The following ENKUR variants were observed in gnomAD, a reference collection of about 807,000 sequenced individuals.
ENKUR encodes enkurin.
In ENKUR, 19 loss-of-function variants were observed where a neutral mutation model predicts 27.6. The observed-to-expected ratio is 0.69, with a 90% CI of 0.48 to 1.01. The LOEUF (loss-of-function observed/expected upper bound fraction) is 1.01, where lower values mean the gene tolerates loss of function less well. Ranked by LOEUF, ENKUR falls within the 50% of genes least tolerant of loss-of-function variation. The pLI, the probability that ENKUR is intolerant of heterozygous loss-of-function variation, is 0.00. For synonymous variants in ENKUR, 117 were observed against 96.9 expected (o/e 1.21, Z -1.22); for missense variants, 312 against 310.5 (o/e 1.00, Z -0.04).
chr10:24,992,595 G>A (rs1849949962), intron 3 of ENKUR, among the ~76,000 whole-genome samples: 1 of 152,164 alleles, frequency 6.6e-6, no homozygotes, highest in Non-Finnish European at 1.5e-5. Flanking sequence ...CTGGTCTAGT[G>A]ACAAGCAATG....
chr10:25,028,263 G>A (rs982641814), intron 2 of ENKUR, among the ~76,000 whole-genome samples: 2 of 152,116 alleles, frequency 1.3e-5, no homozygotes, highest in Admixed American at 1.3e-4. Context: ...ACCAACTCTG[G>A]CCCTTCACTC....
intron 1 of ENKUR, among the ~76,000 whole-genome samples, chr10:25,006,054 GTGAT>G (rs1376919974): frequency 1.3e-5 from 2 of 152,088 alleles, no homozygotes; most frequent in African/African-American, 4.8e-5. Context: ...CTTTTTAAAA[GTGAT>G]TAGAAAAATT....
intron 1 of ENKUR, among the ~76,000 whole-genome samples, chr10:25,003,011 C>A (rs902973116): frequency 4.6e-5 from 7 of 151,710 alleles, no homozygotes; most frequent in Non-Finnish European, 1.0e-4. Flanking sequence ...GAACTGAAAG[C>A]CTGTCCATCT....
At chr10:25,061,113 T>C in exon 2 of ENKUR, 1 of 1,536,090 alleles carries the variant, frequency 6.5e-7, no homozygotes, top group Non-Finnish European at 8.7e-7. Context: ...CAGTATTACC[T>C]GGGGAGCCAC....
intron 1 of ENKUR, among the ~76,000 whole-genome samples, chr10:25,001,182 A>T (rs1850181632): frequency 6.6e-6 from 1 of 152,022 alleles, no homozygotes; most frequent in Non-Finnish European, 1.5e-5. Context: ...CCAAATTTCT[A>T]ACTGGTACCA....
At chr10:25,019,865 C>T (rs536425844), upstream of ENKUR, among the ~76,000 whole-genome samples, 1 of 152,078 alleles carries the variant, frequency 6.6e-6, no homozygotes, top group African/African-American at 2.4e-5. Context: ...ATCCTCAAAT[C>T]TTTTTTTTCC....
At chr10:25,057,058 C>T (rs1156915071) in intron 2 of ENKUR, among the ~76,000 whole-genome samples, 3 of 152,128 alleles carry the variant, frequency 2.0e-5, no homozygotes, top group Non-Finnish European at 4.4e-5. Context: ...ACACATTTTA[C>T]TTGGAAATAA....
intron 2 of ENKUR, chr10:25,023,257 A>C (rs1464677565): frequency 1.9e-6 from 3 of 1,613,056 alleles, no homozygotes; most frequent in Non-Finnish European, 2.5e-6. Flanking sequence ...TCATCTGAAA[A>C]AGATAACACA....
At chr10:25,027,213 G>A (rs916789821) in intron 2 of ENKUR, among the ~76,000 whole-genome samples, 8 of 151,476 alleles carry the variant, frequency 5.3e-5, no homozygotes, top group African/African-American at 1.2e-4. Context: ...AAAAATAGCC[G>A]GGCGTGGTGG....
chr10:25,048,858 T>C (rs1245889636), intron 2 of ENKUR, among the ~76,000 whole-genome samples: 1 of 132,076 alleles, frequency 7.6e-6, no homozygotes, highest in Non-Finnish European at 1.6e-5. Context: ...GAATAAAACT[T>C]CATTTTTTTT....
intron 2 of ENKUR, chr10:25,024,890 T>C: frequency 6.2e-7 from 1 of 1,613,926 alleles, no homozygotes; most frequent in Non-Finnish European, 8.5e-7. Flanking sequence ...GAAAGAAAAC[T>C]AGCACAAACC....
chr10:25,021,337 T>C (rs148977825), intron 2 of ENKUR, among the ~76,000 whole-genome samples: 40 of 152,358 alleles, frequency 2.6e-4, no homozygotes, highest in African/African-American at 9.1e-4. Flanking sequence ...CATATGAATA[T>C]ATAGTGATTT....
chr10:25,021,556 GAC>G (rs1850719456), intron 2 of ENKUR, among the ~76,000 whole-genome samples: 1 of 152,102 alleles, frequency 6.6e-6, no homozygotes, highest in African/African-American at 2.4e-5. Context: ...TTTATAATGA[GAC>G]ACACATGTTT....
intron 1 of ENKUR, among the ~76,000 whole-genome samples, chr10:25,007,983 G>A (rs984463711): frequency 2.0e-5 from 3 of 147,906 alleles, no homozygotes; most frequent in African/African-American, 4.9e-5. Context: ...TTATATATAT[G>A]TATATATAAT....
At chr10:24,990,737 T>C (rs1298210124) in intron 3 of ENKUR, 128 bp from the exon 4 acceptor site, 6 of 941,362 alleles carry the variant, frequency 6.4e-6, no homozygotes, top group African/African-American at 1.7e-5. Flanking sequence ...ACCCTGTAAA[T>C]TGACAAAATT....
chr10:24,988,471 A>G, intron 4 of ENKUR, among the ~76,000 whole-genome samples: 1 of 146,020 alleles, frequency 6.8e-6, no homozygotes, highest in Non-Finnish European at 1.5e-5. Context: ...TAATTTATTT[A>G]TATATAAAAT....
intron 2 of ENKUR, chr10:25,024,560 G>T (rs565237106): frequency 3.1e-6 from 5 of 1,614,092 alleles, no homozygotes; most frequent in Non-Finnish European, 2.5e-6. Context: ...GCTATAAAAA[G>T]AATTTTTAAT....
In ENKUR at chr10:25,057,526, A is replaced by G. The variant is rs538883399; in HGVS notation, c.37+3586T>C. ...TGACCCATTATTGAAAAGTGATAAC[A>G]TTTTATTCAATGAATTAATTGGCTC... On this transcript the variant is annotated intron_variant, in intron 2 of 5. Transcript: ENST00000615958. Among the ~76,000 whole-genome samples, 3 of 152,174 alleles carry G rather than the reference A, an allele frequency of 2.0e-5. No homozygotes were observed. In the South Asian group the frequency reaches 6.2e-4, roughly 32 times the overall value.
At chr10:25,000,570 C>G (rs1172594828) in intron 1 of ENKUR, among the ~76,000 whole-genome samples, 1 of 152,224 alleles carries the variant, frequency 6.6e-6, no homozygotes, top group East Asian at 1.9e-4. Context: ...AAATAACACT[C>G]TATTCCTTTT....
Sources: gnomAD v4.1 joint callset for allele counts (sites outside exome capture counted in the v4.1 genomes callset) on GRCh38, gnomAD v4.1.1 for gene constraint, MANE v1.5 for transcripts, NCBI Gene and HGNC (gene_info 2026-07-23, HGNC 2026-07-21) for gene names.